The following ADAMTS9 variants were observed in gnomAD, a reference collection of about 807,000 sequenced individuals.
The protein encoded by ADAMTS9 is A disintegrin and metalloproteinase with thrombospondin motifs 9.
A neutral mutation model predicts 257.1 loss-of-function variants in ADAMTS9; 107 were observed. That is an observed-to-expected ratio of 0.42 (90% CI 0.36 to 0.49). ADAMTS9 has a LOEUF of 0.49. Among genes scored for constraint, ADAMTS9 ranks in the 20% least tolerant of loss-of-function variants. ADAMTS9 has a pLI of 0.03. For synonymous variants in ADAMTS9, 982 were observed against 880.9 expected, an observed-to-expected ratio of 1.11 and a Z score of -2.03; for missense variants, 2,353 against 2,469.1, an observed-to-expected ratio of 0.95 and a Z score of 1.00.
At chr3:64,561,807 C>A (rs1299607212) in intron 29 of ADAMTS9, 56 bp from the exon 30 acceptor site, 5 of 572,900 alleles carry the variant, frequency 8.7e-6, no homozygotes, top group South Asian at 6.5e-5. Context: ...TTTGGGGGGG[C>A]GGGGGGTGTC....
intron 28 of ADAMTS9, among the ~76,000 whole-genome samples, chr3:64,581,127 C>T (rs1327075998): frequency 2.0e-5 from 3 of 152,146 alleles, no homozygotes; most frequent in Non-Finnish European, 4.4e-5. Context: ...GGCCAGGGCT[C>T]ACATCAGATG....
rs531470077 is a variant in ADAMTS9, at chr3:64,657,503, T to C, written c.969+999A>G. On this transcript the variant is annotated intron_variant, in intron 4 of 39. Transcript: ENST00000498707. ...ATAGGTATATGCCACTACACCTGGC[T>C]AATTGGTTTTTTTTTTTAATAGAGA... Among the ~76,000 whole-genome samples, 4 of 134,458 alleles carry C rather than the reference T, an allele frequency of 3.0e-5. No individual in the cohort carries two copies. The South Asian group carries it at 9.5e-4, about 32-fold the overall frequency. 88.2% of individuals were successfully genotyped at this position (134,458 alleles called of 152,430 possible). A position where few individuals can be genotyped will look rare whatever the true frequency, so the allele number is the denominator to read the frequency against.
intron 32 of ADAMTS9, among the ~76,000 whole-genome samples, chr3:64,545,902 C>T (rs78247375): frequency 3.9e-5 from 6 of 152,080 alleles, no homozygotes; most frequent in Non-Finnish European, 5.9e-5. Context: ...GGCTGCCTGA[C>T]AACTTTTCAA....
At chr3:64,611,933 C>T (rs2084672035) in intron 22 of ADAMTS9, among the ~76,000 whole-genome samples, 1 of 152,144 alleles carries the variant, frequency 6.6e-6, no homozygotes, top group African/African-American at 2.4e-5. Flanking sequence ...GATTTGTTCG[C>T]TTTAAAATGG....
rs78484409 is a variant in ADAMTS9 at position 64,645,759 on chromosome 3, T to C, written c.1710+2181A>G. On this transcript the variant is annotated intron_variant, in intron 11 of 39. Coordinates refer to ENST00000498707, the MANE Select transcript of ADAMTS9 (RefSeq NM_182920.2). ...GCACAGTTCTTCTCCAAAAGCATCC[T>C]GAGCCTGCCTTGGGAATGCCTTGAA... Among the ~76,000 whole-genome samples the C allele has an allele frequency of 6.7e-3, 1,016 of 152,304 alleles. 14 individuals carry two copies. The highest frequency in any genetic ancestry group is 0.023 in the African/African-American group (960 of 41,564).
chr3:64,557,248 G>C (rs931555805), intron 30 of ADAMTS9, among the ~76,000 whole-genome samples: 1 of 152,154 alleles, frequency 6.6e-6, no homozygotes, highest in Non-Finnish European at 1.5e-5. Context: ...AGGGGGAAAA[G>C]AACACATGCA....
intron 28 of ADAMTS9, chr3:64,586,579 A>G: frequency 6.6e-6 from 1 of 152,162 alleles, no homozygotes; most frequent in East Asian, 1.9e-4. Context: ...AAAACACTCT[A>G]TCTGGCCACT....
intron 30 of ADAMTS9, among the ~76,000 whole-genome samples, chr3:64,553,270 C>T (rs1220057734): frequency 6.6e-6 from 1 of 152,148 alleles, no homozygotes; most frequent in Non-Finnish European, 1.5e-5. Flanking sequence ...GCAGATTTGC[C>T]TATTCTGGGT....
chr3:64,676,020 C>G (rs1205966600), intron 3 of ADAMTS9, among the ~76,000 whole-genome samples: 2 of 152,090 alleles, frequency 1.3e-5, no homozygotes, highest in African/African-American at 4.8e-5. Flanking sequence ...TAAACAGAGT[C>G]CCCAGTGCCT....
At chr3:64,576,705 G>A (rs983117185) in intron 28 of ADAMTS9, among the ~76,000 whole-genome samples, 8 of 152,168 alleles carry the variant, frequency 5.3e-5, no homozygotes, top group African/African-American at 7.2e-5. Flanking sequence ...CATCCCAGCC[G>A]GATGGGGCAT....
chr3:64,633,658 C>T (rs781257507), intron 13 of ADAMTS9, 40 bp downstream of exon 13: 13 of 1,613,678 alleles, frequency 8.1e-6, no homozygotes, highest in Admixed American at 1.7e-5. Flanking sequence ...GCCTCAGTGC[C>T]GGCCGGCCAA....
intron 28 of ADAMTS9, among the ~76,000 whole-genome samples, chr3:64,590,602 G>A (rs918669691): frequency 6.6e-6 from 1 of 152,128 alleles, no homozygotes; most frequent in East Asian, 1.9e-4. Flanking sequence ...GAGAGAAGCA[G>A]TGAGGTTATA....
chr3:64,611,868 C>G (rs913116292), intron 22 of ADAMTS9, among the ~76,000 whole-genome samples: 2 of 152,064 alleles, frequency 1.3e-5, no homozygotes, highest in Non-Finnish European at 2.9e-5. Context: ...GATGAAGTTT[C>G]GTAACTAGGT....
chr3:64,545,111 G>T (rs1386025084), intron 32 of ADAMTS9, among the ~76,000 whole-genome samples: 1 of 152,204 alleles, frequency 6.6e-6, no homozygotes, highest in African/African-American at 2.4e-5. Flanking sequence ...GGGAACAACA[G>T]GTGCTGGAGA....
chr3:64,581,884 A>C (rs2084012315), intron 28 of ADAMTS9, among the ~76,000 whole-genome samples: 2 of 152,026 alleles, frequency 1.3e-5, no homozygotes, highest in South Asian at 4.1e-4. Flanking sequence ...CCCACCATAA[A>C]ATTTCTGAGG....
rs1328472582 is a variant in ADAMTS9 at position 64,641,831 on chromosome 3, T to C, written c.1856+17A>G. On this transcript the variant is annotated intron_variant, in intron 12 of 39. Transcript: ENST00000498707. Reference sequence around the variant, plus strand: ...CCTGCCACGGCAGTAATAACAGTTATACATTCTAGGACTTACTCTGGTCTG... The same window carrying C: ...CCTGCCACGGCAGTAATAACAGTTACACATTCTAGGACTTACTCTGGTCTG... 23 of 1,613,384 alleles carry C rather than the reference T, an allele frequency of 1.4e-5. No individual in the cohort carries two copies. Among genetic ancestry groups the C allele is most frequent in the Non-Finnish European group, 1.9e-5 (22 of 1,179,724 alleles).
chr3:64,550,144 A>T (rs1007900987), intron 31 of ADAMTS9: 4 of 152,172 alleles, frequency 2.6e-5, no homozygotes, highest in African/African-American at 9.7e-5. Context: ...TAATATAATC[A>T]TGCTATGATT....
chr3:64,635,960 C>G (rs1341250858), intron 12 of ADAMTS9, among the ~76,000 whole-genome samples: 1 of 152,192 alleles, frequency 6.6e-6, no homozygotes, highest in Non-Finnish European at 1.5e-5. Context: ...AATTTTTCCT[C>G]CAGTTGAAAT....
At chr3:64,542,685 C>A (rs1218527467) in intron 32 of ADAMTS9, among the ~76,000 whole-genome samples, 1 of 152,202 alleles carries the variant, frequency 6.6e-6, no homozygotes, top group East Asian at 1.9e-4. Context: ...AATTGACACC[C>A]TGACATCACA....
Sources: allele counts gnomAD v4.1 joint callset (sites outside exome capture counted in the v4.1 genomes callset), GRCh38; gene constraint gnomAD v4.1.1; transcripts MANE v1.5; gene names NCBI Gene and HGNC (gene_info 2026-07-23, HGNC 2026-07-21).